The following NKAIN3 variants were observed in gnomAD, a reference collection of about 807,000 sequenced individuals.
The protein encoded by NKAIN3 is sodium/potassium transporting ATPase interacting 3.
A neutral mutation model predicts 30.2 loss-of-function variants in NKAIN3; 25 were observed. The ratio of observed to expected loss-of-function variants is 0.83; its 90% CI spans 0.60 to 1.16. The LOEUF (loss-of-function observed/expected upper bound fraction) is 1.16, where lower values mean the gene tolerates loss of function less well. Ranked by LOEUF, NKAIN3 falls within the 50% of genes most tolerant of loss-of-function variation. The pLI, the probability that NKAIN3 is intolerant of heterozygous loss-of-function variation, is 0.00. For synonymous variants in NKAIN3, 91 were observed against 89.6 expected, an observed-to-expected ratio of 1.02 and a Z score of -0.09; for missense variants, 225 against 254.1, an observed-to-expected ratio of 0.89 and a Z score of 0.78.
At chr8:62,985,903 C>A (rs1824190467), downstream of NKAIN3, among the ~76,000 whole-genome samples, 1 of 152,166 alleles carries the variant, frequency 6.6e-6, no homozygotes, top group African/African-American at 2.4e-5. Context: ...GAGATGAAAG[C>A]ACAACAACAT....
At chr8:62,787,819 G>C (rs1347892342) in intron 4 of NKAIN3, among the ~76,000 whole-genome samples, 2 of 151,918 alleles carry the variant, frequency 1.3e-5, no homozygotes, top group East Asian at 3.9e-4. Context: ...TGAGAATGAT[G>C]GTTTCCAGCT....
At chr8:62,389,914 C>T (rs536716089) in intron 1 of NKAIN3, among the ~76,000 whole-genome samples, 12 of 152,260 alleles carry the variant, frequency 7.9e-5, no homozygotes, top group Admixed American at 3.9e-4. Flanking sequence ...GAATAATGGA[C>T]ATTCAGTCCA....
intron 4 of NKAIN3, among the ~76,000 whole-genome samples, chr8:62,771,344 G>A (rs1051551643): frequency 6.7e-6 from 1 of 149,302 alleles, no homozygotes; most frequent in Non-Finnish European, 1.5e-5. Context: ...AATAAAGAAA[G>A]AGATTTTTAA....
intron 1 of NKAIN3, among the ~76,000 whole-genome samples, chr8:62,432,193 A>G (rs1805025813): frequency 6.6e-6 from 1 of 152,076 alleles, no homozygotes; most frequent in African/African-American, 2.4e-5. Context: ...AAAGGAAAAT[A>G]GAATCATTAT....
At chr8:62,521,670 A>T (rs1350479684) in intron 1 of NKAIN3, among the ~76,000 whole-genome samples, 1 of 152,130 alleles carries the variant, frequency 6.6e-6, no homozygotes, top group Non-Finnish European at 1.5e-5. Context: ...AGCATCTTGG[A>T]TCTGGACCTG....
intron 1 of NKAIN3, among the ~76,000 whole-genome samples, chr8:62,270,107 G>C (rs995377947): frequency 4.6e-5 from 7 of 151,900 alleles, no homozygotes; most frequent in Admixed American, 4.6e-4. Context: ...TTCTGAGAGA[G>C]GGTCTCACTC....
intron 4 of NKAIN3, chr8:62,864,042 CT>C: frequency 2.9e-6 from 2 of 700,858 alleles, no homozygotes; most frequent in South Asian, 1.6e-5. Context: ...TCGGCCTCCG[CT>C]TTTGGGCCTG....
intron 4 of NKAIN3, among the ~76,000 whole-genome samples, chr8:62,797,938 C>T (rs1314392920): frequency 2.0e-5 from 3 of 152,182 alleles, no homozygotes; most frequent in Non-Finnish European, 2.9e-5. Context: ...AATTAATGAA[C>T]TGCCAGATGC....
chr8:62,854,718 G>A (rs1434456967), intron 4 of NKAIN3, among the ~76,000 whole-genome samples: 4 of 152,204 alleles, frequency 2.6e-5, no homozygotes, highest in Non-Finnish European at 4.4e-5. Context: ...ATTGTTAGGT[G>A]TGGATTTGAT....
chr8:62,851,809 C>G (rs1819906905), intron 4 of NKAIN3, among the ~76,000 whole-genome samples: 1 of 152,196 alleles, frequency 6.6e-6, no homozygotes, highest in Non-Finnish European at 1.5e-5. Flanking sequence ...ATGAAGCCCA[C>G]TTGATCATGG....
intron 4 of NKAIN3, among the ~76,000 whole-genome samples, chr8:62,826,186 A>G (rs181101342): frequency 2.0e-5 from 3 of 151,926 alleles, no homozygotes; most frequent in Admixed American, 1.3e-4. Flanking sequence ...TTAAAAGAAC[A>G]ATAGATCGTT....
chr8:62,915,754 G>C (rs961013520), intron 4 of NKAIN3, among the ~76,000 whole-genome samples: 1 of 151,940 alleles, frequency 6.6e-6, no homozygotes, highest in East Asian at 1.9e-4. Flanking sequence ...GTAAGAAAAT[G>C]TCCCGACGTT....
At chr8:62,553,768 C>A (rs1410945998) in intron 1 of NKAIN3, among the ~76,000 whole-genome samples, 2 of 151,896 alleles carry the variant, frequency 1.3e-5, no homozygotes, top group East Asian at 1.9e-4. Context: ...GAACACCCGA[C>A]CTCAAGTGAT....
intron 1 of NKAIN3, among the ~76,000 whole-genome samples, chr8:62,357,288 G>A (rs1430547339): frequency 6.6e-6 from 1 of 151,798 alleles, no homozygotes; most frequent in Non-Finnish European, 1.5e-5. Context: ...ATGTGGTGGT[G>A]TATACATGTA....
intron 3 of NKAIN3, among the ~76,000 whole-genome samples, chr8:62,715,664 T>C (rs866268985): frequency 5.9e-5 from 9 of 152,208 alleles, no homozygotes; most frequent in African/African-American, 2.2e-4. Context: ...GATACATTTG[T>C]TGTTGTCATT....
intron 3 of NKAIN3, among the ~76,000 whole-genome samples, chr8:62,642,501 G>A (rs1812340986): frequency 6.6e-6 from 1 of 152,042 alleles, no homozygotes. Context: ...TCAAAGGACA[G>A]CCTCATTTTT....
At chr8:62,926,412 G>C (rs1822444553) in intron 5 of NKAIN3, among the ~76,000 whole-genome samples, 1 of 152,194 alleles carries the variant, frequency 6.6e-6, no homozygotes, top group African/African-American at 2.4e-5. Flanking sequence ...CTGCACGTCT[G>C]TCCCTAAGCT....
intron 5 of NKAIN3, 23 bp downstream of exon 5, chr8:62,918,536 C>G (rs1278706561): frequency 6.5e-7 from 1 of 1,539,722 alleles, no homozygotes; most frequent in East Asian, 2.2e-5. Flanking sequence ...TTCTCTCTCC[C>G]TGTGGGTTCC....
At chr8:62,457,519 T>C (rs1168682971) in intron 1 of NKAIN3, among the ~76,000 whole-genome samples, 1 of 152,196 alleles carries the variant, frequency 6.6e-6, no homozygotes, top group Non-Finnish European at 1.5e-5. Context: ...CTGTGTAACT[T>C]TGATATAATT....
Sources: allele counts gnomAD v4.1 joint callset (sites outside exome capture counted in the v4.1 genomes callset), GRCh38; gene constraint gnomAD v4.1.1; transcripts MANE v1.5; gene names NCBI Gene and HGNC (gene_info 2026-07-23, HGNC 2026-07-21).